The following LZTS1 variants were observed in gnomAD, a reference collection of about 807,000 sequenced individuals.
The protein encoded by LZTS1 is leucine zipper putative tumor suppressor 1.
In LZTS1, 31 loss-of-function variants were observed where a neutral mutation model predicts 45.8. The ratio of observed to expected loss-of-function variants is 0.68; its 90% CI spans 0.51 to 0.91. The LOEUF (loss-of-function observed/expected upper bound fraction) is 0.91, where lower values mean the gene tolerates loss of function less well. Among genes scored for constraint, LZTS1 ranks in the 40% least tolerant of loss-of-function variants. The pLI, the probability that LZTS1 is intolerant of heterozygous loss-of-function variation, is 0.00. For synonymous variants in LZTS1, 359 were observed against 357.3 expected, an observed-to-expected ratio of 1.00 and a Z score of -0.05; for missense variants, 821 against 788.9, an observed-to-expected ratio of 1.04 and a Z score of -0.49.
At chr8:20,267,391 T>G (rs1484511059) in intron 1 of LZTS1, among the ~76,000 whole-genome samples, 1 of 152,160 alleles carries the variant, frequency 6.6e-6, no homozygotes, top group Non-Finnish European at 1.5e-5. Flanking sequence ...TGGTGCTGCC[T>G]CACTCCTGCT....
rs1299945819 is a variant in LZTS1 at position 20,253,588 on chromosome 8, G to A, written c.346-3C>T. ...CTCACTGCACCCTTCTCGGAGCCCT[G>A]TAGAGGAAAAGGACCGCGGTGACTC... On this transcript the variant is annotated splice_polypyrimidine_tract_variant and splice_region_variant and intron_variant, in intron 2 of 3. Coordinates refer to ENST00000381569, the MANE Select transcript of LZTS1 (RefSeq NM_021020.5). 2.1e-6 allele frequency: 3 copies of A among 1,446,748 alleles called. No individual in the cohort carries two copies. Among genetic ancestry groups the A allele is most frequent in the Non-Finnish European group, 2.7e-6 (3 of 1,102,388 alleles). 89.6% of individuals were successfully genotyped at this position (1,446,748 alleles called of 1,614,324 possible).
chr8:20,249,796 C>T lies in LZTS1; in HGVS notation c.1717G>A (p.Ala573Thr), dbSNP rs371589270. 37 of 1,613,876 alleles carry T rather than the reference C, an allele frequency of 2.3e-5. No homozygotes were observed. Among genetic ancestry groups the T allele is most frequent in the African/African-American group, 1.2e-4 (9 of 74,960 alleles). ...AGGTCAACCTCCAAGGGCTCCCCGGCGCTGTCCCCACGTGCCAGCTGCTGC... is the reference window on the plus strand; with the variant it reads ...AGGTCAACCTCCAAGGGCTCCCCGGTGCTGTCCCCACGTGCCAGCTGCTGC... The part of the protein sequence containing the change: ...ALQQLARGDS[A>T]GEPLEVDLEG... Residue 573 changes from alanine (A) to threonine (T), a missense_variant, in exon 4 of 4, where the codon GCC becomes ACC. Coordinates refer to ENST00000381569, the MANE Select transcript of LZTS1 (RefSeq NM_021020.5).
At chr8:20,254,420 G>A (rs1452643218) in intron 2 of LZTS1, among the ~76,000 whole-genome samples, 3 of 152,158 alleles carry the variant, frequency 2.0e-5, no homozygotes, top group Non-Finnish European at 2.9e-5. Flanking sequence ...CCACCCCCAC[G>A]AGTCTCCCGG....
chr8:20,254,850 T>C lies in LZTS1; in HGVS notation c.332A>G (p.Asn111Ser), dbSNP rs112782644. 916 of 1,606,948 alleles carry C rather than the reference T, an allele frequency of 5.7e-4. 2 individuals carry two copies. In the African/African-American group the frequency reaches 8.0e-3, roughly 14 times the overall value. The stretch of plus-strand genomic sequence containing the variant: ...ACCCCCGCTTACCATTTCTAGCTGA[T>C]TGGAGAAGGGCATGAGCTTGGGGGG... ...STPPKLMPFS[N>S]QLEMGSEKGA... is the part of the protein sequence containing the mutation. The change falls in exon 2 of 4, where the codon AAT (asparagine) becomes AGT (serine). Residue 111 changes from asparagine to serine, a missense_variant. Physicochemically the swap from Asn to Ser is conservative, Grantham distance 46. Coordinates refer to ENST00000381569, the MANE Select transcript of LZTS1 (RefSeq NM_021020.5).
At chr8:20,295,230 G>A (rs1376545727) in intron 1 of LZTS1, among the ~76,000 whole-genome samples, 1 of 152,228 alleles carries the variant, frequency 6.6e-6, no homozygotes, top group East Asian at 1.9e-4. Context: ...CAATGGATGA[G>A]CTATCAGGAG....
In LZTS1 at chr8:20,251,136, TATATATATATATAA is replaced by T. The variant is rs1270524377; in HGVS notation, c.1150-787_1150-774del. On this transcript the variant is annotated intron_variant, in intron 3 of 3. Coordinates refer to ENST00000381569, the MANE Select transcript of LZTS1 (RefSeq NM_021020.5). ...ATATATATATATATATATATATATA[TATATATATATATAA>T]AATATAAAGTATAAGAGTAGAGATT... Among the ~76,000 whole-genome samples the T allele has an allele frequency of 7.3e-4, 60 of 82,276 alleles. 2 individuals are homozygous for T. Among genetic ancestry groups the T allele is most frequent in the South Asian group, 1.7e-3 (4 of 2,306 alleles). 54.0% of individuals were successfully genotyped at this position (82,276 alleles called of 152,430 possible).
At chr8:20,269,899 C>T (rs116470978) in intron 1 of LZTS1, among the ~76,000 whole-genome samples, 8 of 152,284 alleles carry the variant, frequency 5.3e-5, no homozygotes, top group Admixed American at 2.0e-4. Context: ...AGCAGGTGCA[C>T]GACTCTCCAT....
chr8:20,253,318 G>A lies in LZTS1; in HGVS notation c.613C>T (p.Arg205Cys), dbSNP rs1403434821. ...PLVTPVGPTS[R>C]FGGSAHNITQ... Reference sequence around the variant, plus strand: ...ATGTTGTGGGCGGAGCCCCCAAAACGGCTTGTGGGTCCCACGGGTGTGACC... The same window carrying A: ...ATGTTGTGGGCGGAGCCCCCAAAACAGCTTGTGGGTCCCACGGGTGTGACC... The change falls in exon 3 of 4, where the codon CGT (arginine) becomes TGT (cysteine). Residue 205 changes from arginine to cysteine, a missense_variant. Transcript: ENST00000381569. 2.5e-6 allele frequency: 4 copies of A among 1,613,944 alleles called. No individual in the cohort carries two copies. The highest frequency in any genetic ancestry group is 1.3e-5 in the African/African-American group (1 of 75,078).
chr8:20,250,283 G>T lies in LZTS1; in HGVS notation c.1230C>A (p.Ser410Arg). 1.9e-6 allele frequency: 3 copies of T among 1,613,770 alleles called. No individual in the cohort carries two copies. Among genetic ancestry groups the T allele is most frequent in the Non-Finnish European group, 2.5e-6 (3 of 1,179,962 alleles). The change falls in exon 4 of 4, where the codon AGC (serine) becomes AGA (arginine). Residue 410 changes from serine to arginine, a missense_variant. Ser to Arg is a moderately radical substitution (Grantham distance 110, BLOSUM62 -1). Coordinates refer to ENST00000381569, the MANE Select transcript of LZTS1 (RefSeq NM_021020.5). ...GCTGTGCCTTGAGACCCAGGATCTCGCTAGCCTTGGCGTTCACCTCCGTCT... is the reference window on the plus strand; with the variant it reads ...GCTGTGCCTTGAGACCCAGGATCTCTCTAGCCTTGGCGTTCACCTCCGTCT... ...ESQTEVNAKASEILGLKAQLK... is the reference protein window; with the variant it reads ...ESQTEVNAKAREILGLKAQLK...
chr8:20,270,707 TAC>T (rs1441509886), intron 1 of LZTS1, among the ~76,000 whole-genome samples: 1 of 151,870 alleles, frequency 6.6e-6, no homozygotes, highest in Non-Finnish European at 1.5e-5. Context: ...GGAAACACAG[TAC>T]AAGTCTTAAA....
chr8:20,303,071 G>C (rs1231562226), intron 1 of LZTS1, among the ~76,000 whole-genome samples: 1 of 152,112 alleles, frequency 6.6e-6, no homozygotes, highest in Non-Finnish European at 1.5e-5. Context: ...GTGTGGGGCT[G>C]TCTGTGTGTG....
At chr8:20,283,424 G>A (rs769477270) in intron 1 of LZTS1, among the ~76,000 whole-genome samples, 3 of 152,144 alleles carry the variant, frequency 2.0e-5, no homozygotes, top group Non-Finnish European at 2.9e-5. Context: ...TGAATCTGCT[G>A]GCACCTTGAT....
intron 1 of LZTS1, among the ~76,000 whole-genome samples, chr8:20,255,902 C>T (rs1192778418): frequency 6.6e-6 from 1 of 151,512 alleles, no homozygotes; most frequent in Non-Finnish European, 1.5e-5. Context: ...TAGAGAAACC[C>T]CATTTCTACT....
intron 1 of LZTS1, among the ~76,000 whole-genome samples, chr8:20,298,274 CTGGTCTT>C (rs1281139234): frequency 6.6e-6 from 1 of 152,018 alleles, no homozygotes; most frequent in African/African-American, 2.4e-5. Context: ...GGTGGCCAGG[CTGGTCTT>C]GAACTCCTGA....
At chr8:20,299,090 G>A (rs1015026991) in intron 1 of LZTS1, among the ~76,000 whole-genome samples, 3 of 152,154 alleles carry the variant, frequency 2.0e-5, no homozygotes, top group African/African-American at 7.2e-5. Flanking sequence ...AGAGGTGAGA[G>A]GTTGAAAACC....
intron 1 of LZTS1, among the ~76,000 whole-genome samples, chr8:20,301,576 C>T (rs927736105): frequency 5.3e-5 from 8 of 152,076 alleles, no homozygotes; most frequent in Non-Finnish European, 1.0e-4. Context: ...ATGAAATGAA[C>T]GTTGAATAAG....
intron 1 of LZTS1, among the ~76,000 whole-genome samples, chr8:20,297,499 C>G (rs934065266): frequency 2.0e-5 from 3 of 152,178 alleles, no homozygotes; most frequent in African/African-American, 7.2e-5. Context: ...ACTATAACCT[C>G]CGCCTCCCGG....
chr8:20,294,858 G>GGGCT lies in LZTS1; in HGVS notation c.-135+8878_-135+8881dup, dbSNP rs1375528169. On this transcript the variant is annotated intron_variant, in intron 1 of 3. Coordinates refer to ENST00000381569, the MANE Select transcript of LZTS1 (RefSeq NM_021020.5). ...CAGGTACCTACAGACACCAGGCATG[G>GGGCT]GGCTGCCTCTCTGGAAGGTCAAGGG... is the stretch of plus-strand genomic sequence containing the variant. 2.6e-5 allele frequency among the ~76,000 whole-genome samples: 4 copies of GGGCT among 152,024 alleles called. No homozygotes were observed. In the East Asian group the frequency reaches 7.8e-4, roughly 30 times the overall value.
chr8:20,300,835 T>G (rs970648840), intron 1 of LZTS1, among the ~76,000 whole-genome samples: 11 of 151,998 alleles, frequency 7.2e-5, no homozygotes, highest in African/African-American at 2.7e-4. Context: ...AAACCCACAG[T>G]GGGGCTGGGT....
Sources: gnomAD v4.1 joint callset for allele counts (sites outside exome capture counted in the v4.1 genomes callset) on GRCh38, gnomAD v4.1.1 for gene constraint, MANE v1.5 for transcripts, NCBI Gene and HGNC (gene_info 2026-07-23, HGNC 2026-07-21) for gene names.